Variants in ERC2 observed in about 807,000 individuals in gnomAD.
The protein encoded by ERC2 is ELKS/RAB6-interacting/CAST family member 2.
A neutral mutation model predicts 114.8 loss-of-function variants in ERC2; 42 were observed. The ratio of observed to expected loss-of-function variants is 0.37; its 90% CI spans 0.29 to 0.47. ERC2 has a LOEUF of 0.47. Among genes scored for constraint, ERC2 ranks in the 20% least tolerant of loss-of-function variants. The probability of loss-of-function intolerance (pLI) is 0.99; values close to 1 mark genes in which losing one functional copy is unlikely to be tolerated. For synonymous variants in ERC2, 454 were observed against 425.5 expected (o/e 1.07, Z -0.82); for missense variants, 939 against 1,150.7 (o/e 0.82, Z 2.66).
intron 2 of ERC2, among the ~76,000 whole-genome samples, chr3:56,311,251 CTCTCTATA>C (rs1448086163): frequency 2.2e-3 from 94 of 42,758 alleles, no homozygotes; most frequent in African/African-American, 6.4e-3. Flanking sequence ...CTCTCTCTCT[CTCTCTATA>C]TATATATATA....
At chr3:56,368,185 TAAAAAAA>T (rs71294729) in intron 2 of ERC2, among the ~76,000 whole-genome samples, 3 of 137,788 alleles carry the variant, frequency 2.2e-5, no homozygotes, top group African/African-American at 8.6e-5. Flanking sequence ...CTTTTTTTTT[TAAAAAAA>T]AAAAAAAAGC....
intron 17 of ERC2, among the ~76,000 whole-genome samples, chr3:55,610,068 A>C (rs58238014): frequency 5.9e-4 from 50 of 84,070 alleles, no homozygotes; most frequent in African/African-American, 2.3e-3. Flanking sequence ...CACAAACAAA[A>C]AAAAAAAAAA....
chr3:55,721,123 G>T (rs1163855673), intron 15 of ERC2, among the ~76,000 whole-genome samples: 3 of 152,214 alleles, frequency 2.0e-5, no homozygotes, highest in South Asian at 4.1e-4. Flanking sequence ...AATGGCAATT[G>T]TATCTTGATG....
intron 7 of ERC2, among the ~76,000 whole-genome samples, chr3:56,020,111 T>C (rs2073601973): frequency 6.6e-6 from 1 of 152,128 alleles, no homozygotes; most frequent in African/African-American, 2.4e-5. Flanking sequence ...ATGATTACAA[T>C]GACAATGGAG....
intron 1 of ERC2, among the ~76,000 whole-genome samples, chr3:56,445,124 C>A (rs1341942024): frequency 1.3e-5 from 2 of 152,220 alleles, no homozygotes; most frequent in Non-Finnish European, 2.9e-5. Context: ...ATGTCAGGCT[C>A]ACCTTTCTAC....
intron 3 of ERC2, among the ~76,000 whole-genome samples, chr3:56,263,863 T>C (rs576807836): frequency 9.2e-5 from 14 of 152,202 alleles, no homozygotes; most frequent in Admixed American, 6.5e-4. Context: ...ACAAGAAAAG[T>C]ATAGGCCAAT....
chr3:56,431,987 A>T (rs954207769), intron 2 of ERC2, among the ~76,000 whole-genome samples: 1 of 152,214 alleles, frequency 6.6e-6, no homozygotes, highest in African/African-American at 2.4e-5. Context: ...TGGCAACCTG[A>T]GACGGTTAAG....
At chr3:55,606,015 G>A (rs1325963779) in intron 17 of ERC2, among the ~76,000 whole-genome samples, 1 of 152,164 alleles carries the variant, frequency 6.6e-6, no homozygotes, top group East Asian at 1.9e-4. Context: ...GTTGAGTACA[G>A]ACGGTTGCAC....
At chr3:56,044,103 G>A (rs899612750) in intron 7 of ERC2, among the ~76,000 whole-genome samples, 1 of 152,104 alleles carries the variant, frequency 6.6e-6, no homozygotes, top group Non-Finnish European at 1.5e-5. Flanking sequence ...ATTATCTTAA[G>A]TTAAAACCAA....
chr3:55,602,076 A>G (rs2058430684), intron 17 of ERC2, among the ~76,000 whole-genome samples: 4 of 152,238 alleles, frequency 2.6e-5, no homozygotes, highest in Admixed American at 2.6e-4. Flanking sequence ...CATTCCTGAA[A>G]TTGAACCTTA....
At chr3:55,866,711 C>T (rs1446524866) in intron 14 of ERC2, among the ~76,000 whole-genome samples, 5 of 152,150 alleles carry the variant, frequency 3.3e-5, no homozygotes, top group Non-Finnish European at 7.3e-5. Context: ...TTGTGTATTT[C>T]ACAGCCACAT....
chr3:56,261,389 A>G (rs1455448428), intron 3 of ERC2, among the ~76,000 whole-genome samples: 6 of 152,208 alleles, frequency 3.9e-5, no homozygotes, highest in Admixed American at 2.0e-4. Flanking sequence ...TGGACAGTCA[A>G]TAAAGACTCA....
intron 1 of ERC2, among the ~76,000 whole-genome samples, chr3:56,448,876 C>A (rs1252323391): frequency 6.6e-6 from 1 of 152,046 alleles, no homozygotes; most frequent in African/African-American, 2.4e-5. Flanking sequence ...GAGATCGAGA[C>A]CATCCTGATT....
intron 13 of ERC2, among the ~76,000 whole-genome samples, chr3:55,902,019 T>C (rs574278502): frequency 4.6e-5 from 7 of 152,306 alleles, no homozygotes; most frequent in South Asian, 2.1e-4. Flanking sequence ...CACAGACACA[T>C]GCATTTTAAG....
At chr3:56,251,604 CTG>C (rs1325593936) in intron 3 of ERC2, among the ~76,000 whole-genome samples, 19 of 152,172 alleles carry the variant, frequency 1.2e-4, no homozygotes, top group African/African-American at 4.6e-4. Context: ...ATATTTAAAA[CTG>C]TAGAAATTTG....
intron 7 of ERC2, among the ~76,000 whole-genome samples, chr3:56,041,696 G>A (rs1026428488): frequency 2.0e-5 from 3 of 152,082 alleles, no homozygotes; most frequent in African/African-American, 7.2e-5. Flanking sequence ...CCAGTGCCCA[G>A]TAAGATATAT....
At chr3:56,394,473 A>T (rs2060234554) in intron 2 of ERC2, among the ~76,000 whole-genome samples, 1 of 152,212 alleles carries the variant, frequency 6.6e-6, no homozygotes, top group African/African-American at 2.4e-5. Flanking sequence ...TATAAAAATC[A>T]ATATAATCTA....
intron 13 of ERC2, among the ~76,000 whole-genome samples, chr3:55,921,281 A>G (rs555803579): frequency 6.6e-6 from 1 of 152,168 alleles, no homozygotes; most frequent in African/African-American, 2.4e-5. Context: ...AATAGTTATG[A>G]CCCTTTAAAC....
chr3:56,416,654 A>G (rs1471256463), intron 2 of ERC2, among the ~76,000 whole-genome samples: 2 of 130,766 alleles, frequency 1.5e-5, no homozygotes, highest in Non-Finnish European at 3.2e-5. Context: ...ACAACAAAAC[A>G]TGATTAAAAA....
Sources: allele counts gnomAD v4.1 joint callset (sites outside exome capture counted in the v4.1 genomes callset), GRCh38; gene constraint gnomAD v4.1.1; transcripts MANE v1.5; gene names NCBI Gene and HGNC (gene_info 2026-07-23, HGNC 2026-07-21).